GRM1: variants seen among roughly 807,000 people sequenced by gnomAD.
GRM1 encodes metabotropic glutamate receptor 1.
GRM1 carries 33 observed loss-of-function variants against 90.9 expected under a neutral mutation model. That is an observed-to-expected ratio of 0.36 (90% CI 0.28 to 0.49). The LOEUF (loss-of-function observed/expected upper bound fraction) is 0.49, where lower values mean the gene tolerates loss of function less well. Among genes scored for constraint, GRM1 ranks in the 20% least tolerant of loss-of-function variants. The pLI, the probability that GRM1 is intolerant of heterozygous loss-of-function variation, is 0.99. For synonymous variants in GRM1, 700 were observed against 613.2 expected (o/e 1.14, Z -2.09); for missense variants, 1,190 against 1,534.3 (o/e 0.78, Z 3.75).
chr6:146,298,721 A>G (rs1050072311), intron 2 of GRM1, among the ~76,000 whole-genome samples: 6 of 152,170 alleles, frequency 3.9e-5, no homozygotes, highest in Non-Finnish European at 5.9e-5. Flanking sequence ...GGTGTGAGGA[A>G]GAGAGCTGTG....
chr6:146,039,254 G>A (rs1562421136), intron 1 of GRM1, among the ~76,000 whole-genome samples: 1 of 151,990 alleles, frequency 6.6e-6, no homozygotes. Flanking sequence ...AGCAGTGAGG[G>A]AAAGCTCATA....
intron 6 of GRM1, among the ~76,000 whole-genome samples, chr6:146,398,202 A>C (rs1777036524): frequency 6.6e-6 from 1 of 152,102 alleles, no homozygotes; most frequent in South Asian, 2.1e-4. Flanking sequence ...TCATGAGAAG[A>C]GTGAGATTTA....
chr6:146,436,565 G>A lies in GRM1; in HGVS notation c.*1769G>A, dbSNP rs547597763. On this transcript the variant is annotated 3_prime_UTR_variant, in exon 8 of 8. Transcript: ENST00000282753. ...CATTTTGCCTTCTTTTAATTTTTATGTTCATGGACTTTTATTCCTGTGTCT... is the reference window on the plus strand; with the variant it reads ...CATTTTGCCTTCTTTTAATTTTTATATTCATGGACTTTTATTCCTGTGTCT... 2.1e-4 allele frequency: 32 copies of A among 152,006 alleles called. No homozygotes were observed. Among genetic ancestry groups the A allele is most frequent in the African/African-American group, 7.0e-4 (29 of 41,496 alleles). 9.4% of individuals were successfully genotyped at this position (152,006 alleles called of 1,614,324 possible).
intron 6 of GRM1, among the ~76,000 whole-genome samples, chr6:146,396,792 A>G (rs891268736): frequency 1.3e-5 from 2 of 152,228 alleles, no homozygotes; most frequent in Admixed American, 1.3e-4. Flanking sequence ...TATTGACATA[A>G]TAAAAAGCTT....
chr6:146,047,510 C>A (rs182643571), intron 1 of GRM1, among the ~76,000 whole-genome samples: 1 of 150,404 alleles, frequency 6.6e-6, no homozygotes, highest in Non-Finnish European at 1.5e-5. Context: ...CTCAGTGAAG[C>A]AAAAGGCATA....
At chr6:146,296,758 G>A (rs569830454) in intron 2 of GRM1, among the ~76,000 whole-genome samples, 1 of 152,316 alleles carries the variant, frequency 6.6e-6, no homozygotes, top group East Asian at 1.9e-4. Context: ...TCACTCTTGT[G>A]CATGGTGACT....
intron 2 of GRM1, among the ~76,000 whole-genome samples, chr6:146,164,833 C>A (rs1777852105): frequency 6.6e-6 from 1 of 152,096 alleles, no homozygotes; most frequent in Non-Finnish European, 1.5e-5. Flanking sequence ...ACTGTAAGTT[C>A]ACATTCTGCC....
chr6:146,243,014 C>T (rs1780923473), intron 2 of GRM1, among the ~76,000 whole-genome samples: 2 of 152,060 alleles, frequency 1.3e-5, no homozygotes, highest in South Asian at 4.1e-4. Context: ...TATGCTTAGT[C>T]CCAGAGAGGT....
chr6:146,222,334 T>A (rs1415666268), intron 2 of GRM1, among the ~76,000 whole-genome samples: 1 of 152,108 alleles, frequency 6.6e-6, no homozygotes, highest in Non-Finnish European at 1.5e-5. Flanking sequence ...AAGACATACA[T>A]GGTAAATGTA....
rs972765198 is a variant in GRM1 at position 146,352,860 on chromosome 6, T to C, written c.1433+364T>C. 5.4e-4 allele frequency among the ~76,000 whole-genome samples: 82 copies of C among 152,212 alleles called. 1 individual carries two copies. The highest frequency in any genetic ancestry group is 1.8e-4 in the Non-Finnish European group (12 of 68,008). On this transcript the variant is annotated intron_variant, in intron 4 of 7. Transcript: ENST00000282753. ...ACCTTGCCAGCACCAGGCCAGCATC[T>C]TTCTGATTGATTGACTATATACCAT...
chr6:146,402,887 T>C (rs1274328403), intron 7 of GRM1, among the ~76,000 whole-genome samples: 3 of 152,260 alleles, frequency 2.0e-5, no homozygotes, highest in Admixed American at 6.5e-5. Context: ...GAATATAATA[T>C]AGGAGGAGTT....
chr6:146,336,305 G>A (rs887339361), intron 3 of GRM1, among the ~76,000 whole-genome samples: 1 of 152,146 alleles, frequency 6.6e-6, no homozygotes, highest in African/African-American at 2.4e-5. Flanking sequence ...TTGTTGAGGC[G>A]TGCTGTCAAG....
At chr6:146,359,636 G>A (rs1423849252) in intron 5 of GRM1, among the ~76,000 whole-genome samples, 1 of 152,148 alleles carries the variant, frequency 6.6e-6, no homozygotes, top group Non-Finnish European at 1.5e-5. Context: ...GACCATGAAT[G>A]GCTGCTCACA....
intron 7 of GRM1, among the ~76,000 whole-genome samples, chr6:146,406,949 G>A (rs9485080): frequency 0.016 from 2,376 of 152,246 alleles, 77 homozygotes; most frequent in African/African-American, 0.054. Context: ...ATGCACATCT[G>A]TTCTGTGTGA....
At chr6:146,380,511 G>T (rs1776283644) in intron 5 of GRM1, among the ~76,000 whole-genome samples, 1 of 152,136 alleles carries the variant, frequency 6.6e-6, no homozygotes, top group Admixed American at 6.5e-5. Flanking sequence ...GGTAAATGCT[G>T]CCTGGCCTGG....
At chr6:146,267,542 G>A (rs981852255) in intron 2 of GRM1, among the ~76,000 whole-genome samples, 3 of 151,874 alleles carry the variant, frequency 2.0e-5, no homozygotes, top group Non-Finnish European at 4.4e-5. Context: ...ACCAGTCTGA[G>A]TCCCAAAACT....
intron 2 of GRM1, among the ~76,000 whole-genome samples, chr6:146,276,005 A>G (rs905906581): frequency 2.6e-5 from 4 of 152,158 alleles, no homozygotes; most frequent in African/African-American, 9.7e-5. Flanking sequence ...AGAGAGAGAG[A>G]GAGAGAGAGC....
chr6:146,332,009 G>A lies in GRM1; in HGVS notation c.1187-20241G>A, dbSNP rs987600307. Among the ~76,000 whole-genome samples the A allele has an allele frequency of 5.3e-5, 8 of 152,094 alleles. No individual in the cohort carries two copies. The East Asian group carries it at 1.2e-3, about 22-fold the overall frequency. ...TCCAGTTATCATTTGAGGGATATGA[G>A]CACTCTTTATTTCTTAAACACTCAG... On this transcript the variant is annotated intron_variant, in intron 3 of 7. Transcript: ENST00000282753.
chr6:146,434,569 G>T lies in GRM1; in HGVS notation c.3358G>T (p.Glu1120Ter). ...TGAGCACGAGCGGGAAGGGAACACGGAAGAAGACGAACTGGAAGAGGAGGA... is the reference window on the plus strand; with the variant it reads ...TGAGCACGAGCGGGAAGGGAACACGTAAGAAGACGAACTGGAAGAGGAGGA... ...VYEHEREGNT[E>*]EDELEEEEED... Residue 1120 changes from glutamate to a stop codon, truncating the protein, a stop_gained, in exon 8 of 8, where the codon GAA (glutamate) becomes TAA (stop). Coordinates refer to ENST00000282753, the MANE Select transcript of GRM1 (RefSeq NM_001278064.2). LOFTEE classifies it high-confidence loss of function. The T allele has an allele frequency of 6.2e-7, 1 of 1,614,068 alleles. No homozygotes were observed. The highest frequency in any genetic ancestry group is 8.5e-7 in the Non-Finnish European group (1 of 1,180,014).
Sources: allele counts gnomAD v4.1 joint callset (sites outside exome capture counted in the v4.1 genomes callset), GRCh38; gene constraint gnomAD v4.1.1; transcripts MANE v1.5; gene names NCBI Gene and HGNC (gene_info 2026-07-23, HGNC 2026-07-21).